The following ASIC2 variants were observed in gnomAD, a reference collection of about 807,000 sequenced individuals.
ASIC2 encodes the protein acid sensing ion channel subunit 2.
Under a neutral mutation model 57.3 loss-of-function variants are expected in ASIC2, and 25 were observed. That is an observed-to-expected ratio of 0.44 (90% CI 0.32 to 0.61). The LOEUF is 0.61. Among genes scored for constraint, ASIC2 ranks in the 20% least tolerant of loss-of-function variants. The pLI, the probability that ASIC2 is intolerant of heterozygous loss-of-function variation, is 0.06. For synonymous variants in ASIC2, 319 were observed against 307.5 expected, an observed-to-expected ratio of 1.04 and a Z score of -0.39; for missense variants, 641 against 738.1, an observed-to-expected ratio of 0.87 and a Z score of 1.52.
At position 33,658,959 on chromosome 17, in the gene ASIC2, C is replaced by T. The variant is rs188691184; in HGVS notation, c.555+497019G>A. 3.7e-3 allele frequency among the ~76,000 whole-genome samples: 562 copies of T among 152,192 alleles called. 2 individuals carry two copies. Among genetic ancestry groups the T allele is most frequent in the Non-Finnish European group, 5.9e-3 (404 of 67,996 alleles). On this transcript the variant is annotated intron_variant, in intron 1 of 9. Transcript: ENST00000359872. ...CGGAGGTTGCAGTGAGCTGAGATCG[C>T]GCCACTGCACTCCAACCTGGGCAAC...
intron 1 of ASIC2, chr17:34,038,909 A>T: frequency 6.2e-7 from 1 of 1,612,764 alleles, no homozygotes; most frequent in Admixed American, 1.7e-5. Flanking sequence ...CTGTTGCTTG[A>T]TAAGATTCTG....
chr17:34,101,981 C>T (rs1280949103), intron 1 of ASIC2, among the ~76,000 whole-genome samples: 3 of 152,052 alleles, frequency 2.0e-5, no homozygotes, highest in Admixed American at 6.6e-5. Flanking sequence ...TTTATAAACA[C>T]CTAAATGCAT....
chr17:33,958,728 C>G, intron 1 of ASIC2, among the ~76,000 whole-genome samples: 1 of 152,176 alleles, frequency 6.6e-6, no homozygotes, highest in Non-Finnish European at 1.5e-5. Context: ...CTGATACACC[C>G]TGGAGACATT....
intron 2 of ASIC2, among the ~76,000 whole-genome samples, chr17:33,092,090 G>A (rs144033007): frequency 4.2e-4 from 64 of 152,286 alleles, no homozygotes; most frequent in African/African-American, 1.4e-3. Flanking sequence ...CAGGTGCTCT[G>A]GAGATGCCCT....
chr17:33,561,099 G>A (rs1054930301), intron 1 of ASIC2, among the ~76,000 whole-genome samples: 41 of 152,102 alleles, frequency 2.7e-4, no homozygotes, highest in African/African-American at 3.6e-4. Context: ...AGGGAGCATC[G>A]TTATGACGAA....
chr17:34,110,521 G>A (rs1911232559), intron 1 of ASIC2, among the ~76,000 whole-genome samples: 1 of 152,220 alleles, frequency 6.6e-6, no homozygotes, highest in Non-Finnish European at 1.5e-5. Flanking sequence ...AAGCCCTGCT[G>A]CCCTGGGCTG....
intron 1 of ASIC2, among the ~76,000 whole-genome samples, chr17:33,964,401 G>T (rs1353514501): frequency 6.6e-6 from 1 of 152,218 alleles, no homozygotes; most frequent in African/African-American, 2.4e-5. Context: ...AATTGGCCTG[G>T]CAAGAACACT....
At chr17:33,464,912 G>A (rs550021943) in intron 1 of ASIC2, among the ~76,000 whole-genome samples, 6 of 151,990 alleles carry the variant, frequency 3.9e-5, no homozygotes, top group African/African-American at 1.4e-4. Flanking sequence ...TACCAACAAG[G>A]CACTTTTTTT....
At chr17:33,095,713 C>G (rs1019408053) in intron 2 of ASIC2, among the ~76,000 whole-genome samples, 6 of 152,224 alleles carry the variant, frequency 3.9e-5, no homozygotes, top group Non-Finnish European at 7.3e-5. Flanking sequence ...CTGACAAGTG[C>G]ATGGGGGCTG....
At chr17:33,018,385 C>T (rs1011828075) in intron 7 of ASIC2, among the ~76,000 whole-genome samples, 6 of 152,140 alleles carry the variant, frequency 3.9e-5, no homozygotes, top group African/African-American at 9.7e-5. Context: ...GTCTGGATGT[C>T]GGGATTTTTA....
intron 1 of ASIC2, among the ~76,000 whole-genome samples, chr17:34,145,395 A>G (rs978414889): frequency 5.9e-5 from 9 of 152,192 alleles, no homozygotes; most frequent in Non-Finnish European, 1.0e-4. Flanking sequence ...CTATCTGTGC[A>G]GGAAGGAAAT....
chr17:33,652,767 G>C (rs1418077404), intron 1 of ASIC2, among the ~76,000 whole-genome samples: 1 of 152,196 alleles, frequency 6.6e-6, no homozygotes, highest in Non-Finnish European at 1.5e-5. Context: ...GCAGTGAGAG[G>C]AATGCAGCAT....
intron 1 of ASIC2, among the ~76,000 whole-genome samples, chr17:33,168,617 T>C (rs1286057344): frequency 6.6e-6 from 1 of 152,206 alleles, no homozygotes; most frequent in Admixed American, 6.5e-5. Context: ...GAATTGTACT[T>C]GTGTCCTAGG....
At chr17:34,000,787 A>G (rs1906314932) in intron 1 of ASIC2, 1 of 151,850 alleles carries the variant, frequency 6.6e-6, no homozygotes, top group South Asian at 2.1e-4. Context: ...TTTTCTTTTT[A>G]TTCCTTTGAA....
chr17:34,148,565 CG>C (rs1904383269), intron 1 of ASIC2, among the ~76,000 whole-genome samples: 1 of 152,056 alleles, frequency 6.6e-6, no homozygotes, highest in Non-Finnish European at 1.5e-5. Context: ...ACTTTACAGA[CG>C]GGAGAGTCAG....
intron 1 of ASIC2, among the ~76,000 whole-genome samples, chr17:33,546,668 C>T (rs1261558837): frequency 6.6e-6 from 1 of 152,148 alleles, no homozygotes; most frequent in Non-Finnish European, 1.5e-5. Flanking sequence ...CTGCCAAGTG[C>T]CTTCCTGAGT....
At chr17:33,786,843 G>A (rs1911613098) in intron 1 of ASIC2, among the ~76,000 whole-genome samples, 1 of 152,130 alleles carries the variant, frequency 6.6e-6, no homozygotes, top group Non-Finnish European at 1.5e-5. Flanking sequence ...AATAGACAAA[G>A]GGCATTTTGC....
At chr17:33,722,690 G>A (rs1909425589) in intron 1 of ASIC2, among the ~76,000 whole-genome samples, 1 of 152,170 alleles carries the variant, frequency 6.6e-6, no homozygotes, top group South Asian at 2.1e-4. Flanking sequence ...CTAAGCCCAG[G>A]AGTTCAAGGC....
chr17:33,582,725 C>A (rs150798467), intron 1 of ASIC2, among the ~76,000 whole-genome samples: 230 of 152,282 alleles, frequency 1.5e-3, no homozygotes, highest in African/African-American at 5.4e-3. Flanking sequence ...GTTTCTCCAA[C>A]AAGGTACTCG....
Sources: allele counts gnomAD v4.1 joint callset (sites outside exome capture counted in the v4.1 genomes callset), GRCh38; gene constraint gnomAD v4.1.1; transcripts MANE v1.5; gene names NCBI Gene and HGNC (gene_info 2026-07-23, HGNC 2026-07-21).